MDFIC2: variants seen among roughly 807,000 people sequenced by gnomAD.
MDFIC2 encodes MyoD family inhibitor domain containing 2.
chr3:70,247,392 A>T (rs1010498098), intron 2 of MDFIC2, among the ~76,000 whole-genome samples: 4 of 151,992 alleles, frequency 2.6e-5, no homozygotes, highest in Non-Finnish European at 5.9e-5. Flanking sequence ...TAATTTTTTT[A>T]AAGCCCACCA....
intron 2 of MDFIC2, among the ~76,000 whole-genome samples, chr3:70,271,528 C>A (rs1559550370): frequency 6.6e-6 from 1 of 152,192 alleles, no homozygotes; most frequent in African/African-American, 2.4e-5. Flanking sequence ...ACAAACATCA[C>A]CCTGGCCTTG....
chr3:70,224,115 T>G (rs1162514902), intron 2 of MDFIC2, among the ~76,000 whole-genome samples: 1 of 152,156 alleles, frequency 6.6e-6, no homozygotes, highest in Non-Finnish European at 1.5e-5. Context: ...TGTGTGTATC[T>G]TTATCACTAA....
At chr3:70,242,044 C>T (rs748016248) in intron 2 of MDFIC2, among the ~76,000 whole-genome samples, 1 of 152,104 alleles carries the variant, frequency 6.6e-6, no homozygotes, top group Non-Finnish European at 1.5e-5. Flanking sequence ...ATCTTTGATG[C>T]CAGAAAGACT....
intron 2 of MDFIC2, among the ~76,000 whole-genome samples, chr3:70,256,202 C>G (rs1031105576): frequency 6.6e-6 from 1 of 152,092 alleles, no homozygotes; most frequent in African/African-American, 2.4e-5. Context: ...AACATTAAAA[C>G]TTTAGTTGTA....
intron 2 of MDFIC2, among the ~76,000 whole-genome samples, chr3:70,297,614 T>C (rs893970317): frequency 1.3e-5 from 2 of 152,138 alleles, no homozygotes; most frequent in Non-Finnish European, 2.9e-5. Context: ...TGCATTAAAT[T>C]CTTCCTTCAA....
intron 3 of MDFIC2, among the ~76,000 whole-genome samples, chr3:70,200,636 T>C (rs1249604672): frequency 2.6e-5 from 4 of 152,184 alleles, no homozygotes; most frequent in Admixed American, 6.5e-5. Flanking sequence ...GCACTGACCA[T>C]ACGATGGCAT....
intron 3 of MDFIC2, among the ~76,000 whole-genome samples, chr3:70,206,308 T>C (rs1701290333): frequency 6.6e-6 from 1 of 151,962 alleles, no homozygotes; most frequent in Admixed American, 6.6e-5. Flanking sequence ...CATAGCCCCA[T>C]AGCAATAATG....
At chr3:70,246,128 G>A (rs1373515314) in intron 2 of MDFIC2, among the ~76,000 whole-genome samples, 1 of 151,872 alleles carries the variant, frequency 6.6e-6, no homozygotes, top group Non-Finnish European at 1.5e-5. Context: ...ATATGCAGAT[G>A]CTTCTGGGAT....
At chr3:70,270,622 T>C (rs765006593) in intron 2 of MDFIC2, among the ~76,000 whole-genome samples, 2 of 152,214 alleles carry the variant, frequency 1.3e-5, no homozygotes, top group Non-Finnish European at 2.9e-5. Context: ...TCTATGTATA[T>C]ACAGGAGTGA....
At chr3:70,285,225 A>C (rs1289649931) in intron 2 of MDFIC2, among the ~76,000 whole-genome samples, 2 of 107,890 alleles carry the variant, frequency 1.9e-5, no homozygotes. Flanking sequence ...ACCCCACAAC[A>C]GTCCCCAGAG....
chr3:70,306,177 C>T (rs546435317), intron 2 of MDFIC2, among the ~76,000 whole-genome samples: 1 of 152,268 alleles, frequency 6.6e-6, no homozygotes, highest in Admixed American at 6.5e-5. Flanking sequence ...GGTCTCAGCT[C>T]ACTGCAACCT....
At chr3:70,304,122 G>T (rs1702377684) in intron 2 of MDFIC2, among the ~76,000 whole-genome samples, 2 of 152,122 alleles carry the variant, frequency 1.3e-5, no homozygotes, top group South Asian at 4.1e-4. Context: ...TCTAGGGCCT[G>T]CTTCCAGCCA....
chr3:70,264,780 T>C (rs1241911175), intron 2 of MDFIC2, among the ~76,000 whole-genome samples: 1 of 152,134 alleles, frequency 6.6e-6, no homozygotes, highest in African/African-American at 2.4e-5. Context: ...ATAGGGAAAA[T>C]ACAGGGAGCT....
Position 70,276,256 on chromosome 3 carries a change from A to G in MDFIC2, c.88+35630T>C, listed in dbSNP as rs141167687. On this transcript the variant is annotated intron_variant, in intron 2 of 3. Transcript: ENST00000567252. ...TTTTTTACTAAGTGTATTTAAAGCT[A>G]TTTTAAAAGCATAAATATTATTCTT... Among the ~76,000 whole-genome samples, 5 of 152,280 alleles carry G rather than the reference A, an allele frequency of 3.3e-5. No homozygotes were observed. The East Asian group carries it at 9.6e-4, about 29-fold the overall frequency.
chr3:70,256,559 A>G (rs1701818379), intron 2 of MDFIC2, among the ~76,000 whole-genome samples: 2 of 152,200 alleles, frequency 1.3e-5, no homozygotes, highest in Admixed American at 1.3e-4. Flanking sequence ...AATTAATACA[A>G]TATTGGAAAA....
chr3:70,279,617 C>T (rs756849572), intron 2 of MDFIC2, among the ~76,000 whole-genome samples: 13 of 152,246 alleles, frequency 8.5e-5, no homozygotes, highest in South Asian at 2.1e-4. Context: ...CTCAGATTTG[C>T]GTTGCTCTCT....
intron 3 of MDFIC2, among the ~76,000 whole-genome samples, chr3:70,200,603 A>G (rs1701227686): frequency 6.6e-6 from 1 of 152,148 alleles, no homozygotes; most frequent in Admixed American, 6.6e-5. Context: ...TCTCACAGCA[A>G]TCTGTTTTAT....
At chr3:70,209,424 CTA>C (rs1701321040) in intron 2 of MDFIC2, among the ~76,000 whole-genome samples, 1 of 152,012 alleles carries the variant, frequency 6.6e-6, no homozygotes, top group African/African-American at 2.4e-5. Context: ...ATGTCAAGTT[CTA>C]TGTTACCGCT....
intron 3 of MDFIC2, chr3:70,205,314 C>T (rs1357951990): frequency 2.6e-5 from 4 of 152,020 alleles, no homozygotes; most frequent in Admixed American, 6.6e-5. Flanking sequence ...TGCCATAGTC[C>T]TCACCAATCC....
Sources: allele counts gnomAD v4.1 joint callset (sites outside exome capture counted in the v4.1 genomes callset), GRCh38; gene constraint gnomAD v4.1.1; transcripts MANE v1.5; gene names NCBI Gene and HGNC (gene_info 2026-07-23, HGNC 2026-07-21).